CHN2: variants seen among roughly 807,000 people sequenced by gnomAD.
CHN2 encodes the protein beta-chimaerin.
Under a neutral mutation model 56.3 loss-of-function variants are expected in CHN2, and 35 were observed. The ratio of observed to expected loss-of-function variants is 0.62; its 90% CI spans 0.47 to 0.82. The LOEUF (loss-of-function observed/expected upper bound fraction) is 0.82, where lower values mean the gene tolerates loss of function less well. Among genes scored for constraint, CHN2 ranks in the 40% least tolerant of loss-of-function variants. CHN2 has a pLI of 0.00. For synonymous variants in CHN2, 210 were observed against 212.8 expected, an observed-to-expected ratio of 0.99 and a Z score of 0.12; for missense variants, 491 against 580.5, an observed-to-expected ratio of 0.85 and a Z score of 1.58.
At chr7:29,388,333 T>C (rs994313357) in intron 3 of CHN2, among the ~76,000 whole-genome samples, 1 of 152,182 alleles carries the variant, frequency 6.6e-6, no homozygotes, top group African/African-American at 2.4e-5. Flanking sequence ...AGTTTTCTAA[T>C]GGAGACATGT....
At position 29,317,328 on chromosome 7, in the gene CHN2, G is replaced by C. The variant is rs866112641; in HGVS notation, c.50-37297G>C. 2.6e-4 allele frequency among the ~76,000 whole-genome samples: 40 copies of C among 152,176 alleles called. 1 individual carries two copies. Among genetic ancestry groups the C allele is most frequent in the Middle Eastern group, 3.2e-3 (1 of 316 alleles). ...TAAATTGGTACGAGTAATGATGACT[G>C]TGGAAAAAAAATCAACATATGCGTC... is the stretch of plus-strand genomic sequence containing the variant. On this transcript the variant is annotated intron_variant, in intron 1 of 12. Transcript: ENST00000222792.
At chr7:29,219,393 C>G (rs1355973982) in intron 1 of CHN2, among the ~76,000 whole-genome samples, 2 of 152,002 alleles carry the variant, frequency 1.3e-5, no homozygotes, top group African/African-American at 4.8e-5. Context: ...TTTAAAAACA[C>G]TTGAATGACT....
chr7:29,426,470 A>G (rs1804875669), intron 6 of CHN2, among the ~76,000 whole-genome samples: 1 of 152,132 alleles, frequency 6.6e-6, no homozygotes, highest in Non-Finnish European at 1.5e-5. Context: ...ATTTGCCATT[A>G]GTTGCTTGAA....
At chr7:29,270,329 C>T (rs1413289507) in intron 1 of CHN2, among the ~76,000 whole-genome samples, 1 of 151,974 alleles carries the variant, frequency 6.6e-6, no homozygotes, top group Non-Finnish European at 1.5e-5. Flanking sequence ...AATGAAGGAG[C>T]TGCATTCATG....
At chr7:29,468,352 G>A (rs995523214) in intron 6 of CHN2, among the ~76,000 whole-genome samples, 4 of 152,082 alleles carry the variant, frequency 2.6e-5, no homozygotes, top group Non-Finnish European at 4.4e-5. Context: ...GCGGAGCTGG[G>A]TAAGTGTTCT....
chr7:29,479,515 A>G (rs1012000298), intron 6 of CHN2, among the ~76,000 whole-genome samples: 2 of 152,202 alleles, frequency 1.3e-5, no homozygotes, highest in Non-Finnish European at 2.9e-5. Flanking sequence ...GCATAAGAAT[A>G]AAAATTAAGC....
chr7:29,243,374 T>A (rs763355426), intron 1 of CHN2, among the ~76,000 whole-genome samples: 2 of 152,238 alleles, frequency 1.3e-5, no homozygotes, highest in Non-Finnish European at 1.5e-5. Flanking sequence ...AGTGTAATCC[T>A]GAAAAATTGT....
rs1254789637 is a variant in CHN2, at chr7:29,413,299, CT to C, written c.576+12472del. On this transcript the variant is annotated intron_variant, in intron 6 of 12. Transcript: ENST00000222792. ...AAAAATTATTTAAAAAGTCAAAGCACTGTCATTTGCAAGAGACACTTTAATA... is the reference window on the plus strand; with the variant it reads ...AAAAATTATTTAAAAAGTCAAAGCACGTCATTTGCAAGAGACACTTTAATA... 7.9e-5 allele frequency among the ~76,000 whole-genome samples: 12 copies of C among 152,322 alleles called. No individual in the cohort carries two copies. In the East Asian group the frequency reaches 2.3e-3, roughly 29 times the overall value.
intron 1 of CHN2, among the ~76,000 whole-genome samples, chr7:29,281,250 C>T (rs1026932131): frequency 9.9e-5 from 15 of 150,872 alleles, no homozygotes; most frequent in African/African-American, 2.7e-4. Context: ...ACTGTGTGTG[C>T]ACATATTCTT....
chr7:29,211,043 C>A (rs1784882271), intron 1 of CHN2, among the ~76,000 whole-genome samples: 1 of 132,412 alleles, frequency 7.6e-6, no homozygotes, highest in Non-Finnish European at 1.6e-5. Flanking sequence ...GTGGCATGAT[C>A]TGACTTAGGT....
intron 6 of CHN2, among the ~76,000 whole-genome samples, chr7:29,476,588 C>A (rs113076470): frequency 2.0e-5 from 3 of 150,808 alleles, no homozygotes; most frequent in African/African-American, 7.3e-5. Context: ...CATATATATG[C>A]AAAGCGCTGA....
At chr7:29,338,888 G>A (rs1184141692) in intron 1 of CHN2, among the ~76,000 whole-genome samples, 1 of 152,116 alleles carries the variant, frequency 6.6e-6, no homozygotes, top group African/African-American at 2.4e-5. Flanking sequence ...CCCTGGTTAT[G>A]AGTATTAAAT....
chr7:29,214,670 C>T (rs778736364), intron 1 of CHN2, among the ~76,000 whole-genome samples: 1 of 152,136 alleles, frequency 6.6e-6, no homozygotes, highest in Non-Finnish European at 1.5e-5. Context: ...GATTAATAGT[C>T]CTAATTTCAG....
At position 29,514,162 on chromosome 7, in the gene CHN2, C is replaced by T. The variant is rs1791808600; in HGVS notation, c.*1427C>T. On this transcript the variant is annotated 3_prime_UTR_variant, in exon 13 of 13. Coordinates refer to ENST00000222792, the MANE Select transcript of CHN2 (RefSeq NM_004067.4). ...TTTGACCTCTTCCCTGCTATTATCCCTCCTCCCAACTGTACAGATTTGTTT... is the reference window on the plus strand; with the variant it reads ...TTTGACCTCTTCCCTGCTATTATCCTTCCTCCCAACTGTACAGATTTGTTT... 1 of 152,616 alleles carries T rather than the reference C, an allele frequency of 6.6e-6. No homozygotes were observed. The highest frequency in any genetic ancestry group is 6.5e-5 in the Admixed American group (1 of 15,274). The allele number at this position is 152,616 out of a possible 1,614,324, so 9.5% of individuals were successfully genotyped here.
chr7:29,239,954 GC>G (rs2128809219), intron 1 of CHN2, among the ~76,000 whole-genome samples: 1 of 151,978 alleles, frequency 6.6e-6, no homozygotes, highest in African/African-American at 2.4e-5. Context: ...TGCATAATCT[GC>G]TAATTTTTAG....
intron 1 of CHN2, among the ~76,000 whole-genome samples, chr7:29,327,652 C>T (rs1234445039): frequency 2.6e-5 from 4 of 152,080 alleles, no homozygotes; most frequent in East Asian, 3.9e-4. Flanking sequence ...TGGTTAATGA[C>T]GCGGTGCTCC....
chr7:29,189,721 T>C (rs892910153), intron 2 of CHN2, among the ~76,000 whole-genome samples: 1 of 152,046 alleles, frequency 6.6e-6, no homozygotes, highest in Admixed American at 6.6e-5. Flanking sequence ...TCTCTGTCTT[T>C]CCAGTCAAAG....
At chr7:29,507,914 C>T (rs539031160) in intron 11 of CHN2, among the ~76,000 whole-genome samples, 13 of 152,186 alleles carry the variant, frequency 8.5e-5, no homozygotes, top group African/African-American at 2.2e-4. Context: ...CCATAGGCTG[C>T]GGGTTAGACA....
intron 2 of CHN2, among the ~76,000 whole-genome samples, chr7:29,154,304 G>A (rs148679882): frequency 0.012 from 1,795 of 152,236 alleles, 24 homozygotes; most frequent in African/African-American, 0.041. Context: ...TGGAGATCAG[G>A]CCCCTCTCCA....
Sources: gnomAD v4.1 joint callset for allele counts (sites outside exome capture counted in the v4.1 genomes callset) on GRCh38, gnomAD v4.1.1 for gene constraint, MANE v1.5 for transcripts, NCBI Gene and HGNC (gene_info 2026-07-23, HGNC 2026-07-21) for gene names.